The following GPATCH8 variants were observed in gnomAD, a reference collection of about 807,000 sequenced individuals.
GPATCH8 encodes G patch domain-containing protein 8.
GPATCH8 carries 18 observed loss-of-function variants against 118.3 expected under a neutral mutation model. The observed-to-expected ratio is 0.15, with a 90% confidence interval of 0.11 to 0.23. The LOEUF is 0.23. Among genes scored for constraint, GPATCH8 ranks in the 10% least tolerant of loss-of-function variants. The pLI, the probability that GPATCH8 is intolerant of heterozygous loss-of-function variation, is 1.00. For synonymous variants in GPATCH8, 659 were observed against 684.7 expected, an observed-to-expected ratio of 0.96 and a Z score of 0.59; for missense variants, 1,631 against 1,873.8, an observed-to-expected ratio of 0.87 and a Z score of 2.39.
rs1286532270 is a variant in GPATCH8, at chr17:44,400,515, G to A, written c.1562C>T (p.Pro521Leu). 6.2e-7 allele frequency: 1 copy of A among 1,613,932 alleles called. No individual in the cohort carries two copies. Among genetic ancestry groups the A allele is most frequent in the Non-Finnish European group, 8.5e-7 (1 of 1,179,808 alleles). ...TCCTTCTTGGCTTTCTTTCCCTGCT[G>A]GGGTGGCCAGAGAGGTTTCTTTAGA... ...NSSKETSLAT[P>L]AGKESQEGPK... The change falls in exon 8 of 8, where the codon CCA (proline) becomes CTA (leucine). Residue 521 changes from proline to leucine, a missense_variant. Pro to Leu is a moderately conservative substitution (Grantham distance 98). Coordinates refer to ENST00000591680, the MANE Select transcript of GPATCH8 (RefSeq NM_001002909.4).
intron 2 of GPATCH8, among the ~76,000 whole-genome samples, chr17:44,467,797 T>C (rs183422934): frequency 4.8e-4 from 73 of 152,230 alleles, no homozygotes; most frequent in Middle Eastern, 6.8e-3. Context: ...AAAAATCCAA[T>C]AGGCTTAAGG....
intron 2 of GPATCH8, among the ~76,000 whole-genome samples, chr17:44,471,979 CTTTT>C (rs895194636): frequency 6.9e-6 from 1 of 145,174 alleles, no homozygotes; most frequent in Admixed American, 6.9e-5. Flanking sequence ...GTCAATACTT[CTTTT>C]TTTTTTTCTT....
chr17:44,489,350 G>GTT (rs1258506322), intron 1 of GPATCH8, among the ~76,000 whole-genome samples: 2 of 140,404 alleles, frequency 1.4e-5, no homozygotes, highest in Non-Finnish European at 3.1e-5. Flanking sequence ...CCTCTTTTTT[G>GTT]TTTTTTTTTT....
intron 5 of GPATCH8, among the ~76,000 whole-genome samples, chr17:44,429,862 T>TA (rs778605043): frequency 0.066 from 8,495 of 128,696 alleles, 542 homozygotes; most frequent in African/African-American, 0.19. Context: ...AGACTCCGTC[T>TA]AAAAAAAAAA....
chr17:44,401,262 A>G lies in GPATCH8; in HGVS notation c.815T>C (p.Leu272Pro), dbSNP rs752635883. 6.2e-6 allele frequency: 10 copies of G among 1,613,672 alleles called. No homozygotes were observed. Among genetic ancestry groups the G allele is most frequent in the Non-Finnish European group, 8.5e-6 (10 of 1,179,718 alleles). The change falls in exon 8 of 8, where the codon CTG becomes CCG. Residue 272 changes from leucine (L) to proline (P), a missense_variant. By Grantham distance (98) the Leu-to-Pro change is moderately conservative. Coordinates refer to ENST00000591680, the MANE Select transcript of GPATCH8 (RefSeq NM_001002909.4). Reference sequence around the variant, plus strand: ...GGAGGCTAACCCAGGAGCCTGGGCCAGTCCAGTGGTATTAGTGATTTGTAC... The same window carrying G: ...GGAGGCTAACCCAGGAGCCTGGGCCGGTCCAGTGGTATTAGTGATTTGTAC... ...TAVQITNTTGLAQAPGLASQG... is the reference protein window; with the variant it reads ...TAVQITNTTGPAQAPGLASQG...
At chr17:44,423,652 T>G (rs946673423) in intron 6 of GPATCH8, among the ~76,000 whole-genome samples, 1 of 152,172 alleles carries the variant, frequency 6.6e-6, no homozygotes, top group East Asian at 1.9e-4. Flanking sequence ...AACTGTCCTA[T>G]AGGTGTAACA....
At chr17:44,464,329 G>A (rs2051676812) in intron 3 of GPATCH8, 143 bp downstream of exon 3, 2 of 742,562 alleles carry the variant, frequency 2.7e-6, no homozygotes, top group Non-Finnish European at 5.0e-6. Context: ...TACAGTTATA[G>A]GACAAACAGA....
chr17:44,465,918 GTTTGTTTGTTT>G (rs1412152289), intron 2 of GPATCH8: 1 of 152,134 alleles, frequency 6.6e-6, no homozygotes, highest in Non-Finnish European at 1.5e-5. Context: ...TGCTCTGTTT[GTTTGTTTGTTT>G]AAGGACCATT....
At chr17:44,475,695 A>AAAAC (rs569839785) in intron 1 of GPATCH8, among the ~76,000 whole-genome samples, 62 of 151,998 alleles carry the variant, frequency 4.1e-4, no homozygotes, top group African/African-American at 7.2e-4. Flanking sequence ...CTCCATCTCA[A>AAAAC]AAACAAACAA....
chr17:44,414,313 C>T (rs1327928168), intron 6 of GPATCH8, among the ~76,000 whole-genome samples: 1 of 151,688 alleles, frequency 6.6e-6, no homozygotes, highest in African/African-American at 2.4e-5. Flanking sequence ...ATTTACCCCA[C>T]CCCCCTTTTT....
At chr17:44,410,064 T>C (rs1280457631) in intron 6 of GPATCH8, among the ~76,000 whole-genome samples, 2 of 152,214 alleles carry the variant, frequency 1.3e-5, no homozygotes, top group South Asian at 2.1e-4. Context: ...CTAGACAGAA[T>C]TGGGCCAAAT....
intron 3 of GPATCH8, among the ~76,000 whole-genome samples, chr17:44,449,137 C>G (rs541022241): frequency 1.8e-3 from 279 of 152,086 alleles, no homozygotes; most frequent in Non-Finnish European, 2.4e-3. Flanking sequence ...ATTAGCCAGG[C>G]GTGATGGCAC....
intron 2 of GPATCH8, chr17:44,474,550 C>T (rs1967574813): frequency 6.1e-6 from 3 of 491,680 alleles, no homozygotes; most frequent in Non-Finnish European, 1.1e-5. Context: ...AAATGCTAAA[C>T]TTTAACTTGC....
chr17:44,401,013 A>G lies in GPATCH8; in HGVS notation c.1064T>C (p.Leu355Pro), dbSNP rs185067598. 1.1e-4 allele frequency: 182 copies of G among 1,614,008 alleles called. 2 individuals carry two copies. In the East Asian group the frequency reaches 3.9e-3, roughly 35 times the overall value. The change falls in exon 8 of 8, where the codon CTT becomes CCT. Residue 355 changes from leucine (L) to proline (P), a missense_variant. Around this residue, in one of 8 missense-constraint regions of GPATCH8, gnomAD observed 405 missense variants for 462.7 expected, o/e 0.88. Transcript: ENST00000591680. The stretch of plus-strand genomic sequence containing the variant: ...GTCTTCATCCTCTTTTTTACCATCA[A>G]GATTACTGCTCCCATCAGAGTCTCC... ...KVGDSDGSSN[L>P]DGKKEDEDPQ...
At chr17:44,467,636 C>A (rs1034343433) in intron 2 of GPATCH8, among the ~76,000 whole-genome samples, 1 of 152,034 alleles carries the variant, frequency 6.6e-6, no homozygotes, top group Non-Finnish European at 1.5e-5. Flanking sequence ...AATGAATGAC[C>A]AACACAGAAA....
chr17:44,395,335 T>C lies in GPATCH8; in HGVS notation c.*2233A>G, dbSNP rs1384756064. 7.0e-6 allele frequency: 3 copies of C among 431,162 alleles called. No individual in the cohort carries two copies. Among genetic ancestry groups the C allele is most frequent in the Non-Finnish European group, 1.4e-5 (3 of 218,030 alleles). 26.7% of individuals were successfully genotyped at this position (431,162 alleles called of 1,614,324 possible). On this transcript the variant is annotated 3_prime_UTR_variant, in exon 8 of 8. Transcript: ENST00000591680. Reference sequence around the variant, plus strand: ...TTCCTTTCCCTCATTTTACAGCATATATATCTCTATCATATGTGATAAAGT... The same window carrying C: ...TTCCTTTCCCTCATTTTACAGCATACATATCTCTATCATATGTGATAAAGT...
At chr17:44,456,921 T>C (rs2051356187) in intron 3 of GPATCH8, among the ~76,000 whole-genome samples, 2 of 152,080 alleles carry the variant, frequency 1.3e-5, no homozygotes, top group African/African-American at 4.8e-5. Context: ...TGGAGTGCAG[T>C]GGCGCAATCT....
At position 44,395,826 on chromosome 17, in the gene GPATCH8, A is replaced by ACG; in HGVS notation, c.*1741_*1742insCG. ...CCACACGAATAGTTAGGAAAATGCC[A>ACG]AAGTGGGAATTGTTAACCTCATCAA... On this transcript the variant is annotated 3_prime_UTR_variant, in exon 8 of 8. Transcript: ENST00000591680. 2 of 454,148 alleles carry ACG rather than the reference A, an allele frequency of 4.4e-6. No individual in the cohort carries two copies. Among genetic ancestry groups the ACG allele is most frequent in the Non-Finnish European group, 8.8e-6 (2 of 226,792 alleles). The allele number at this position is 454,148 out of a possible 1,614,324, so 28.1% of individuals were successfully genotyped here. A position where few individuals can be genotyped will look rare whatever the true frequency, so the allele number is the denominator to read the frequency against.
At chr17:44,446,108 TA>T (rs572339076) in intron 3 of GPATCH8, among the ~76,000 whole-genome samples, 3,044 of 147,404 alleles carry the variant, frequency 0.021, 107 homozygotes, top group African/African-American at 0.071. Context: ...TGTGGCTAAT[TA>T]AAAAAAAAAA....
Sources: gnomAD v4.1 joint callset for allele counts (sites outside exome capture counted in the v4.1 genomes callset) on GRCh38, gnomAD v4.1.1 for gene constraint, gnomAD v4.1.1 regional missense constraint, MANE v1.5 for transcripts, NCBI Gene and HGNC (gene_info 2026-07-23, HGNC 2026-07-21) for gene names.